Variants in CERT1 observed in about 807,000 individuals in gnomAD.
CERT1 encodes ceramide transporter 1.
In CERT1, 31 loss-of-function variants were observed where a neutral mutation model predicts 87.9. The ratio of observed to expected loss-of-function variants is 0.35; its 90% CI spans 0.27 to 0.48. The LOEUF (loss-of-function observed/expected upper bound fraction) is 0.48. Ranked by LOEUF, CERT1 falls within the 20% of genes least tolerant of loss-of-function variation. CERT1 has a pLI of 0.99. For synonymous variants in CERT1, 289 were observed against 250.9 expected (o/e 1.15, Z -1.44); for missense variants, 487 against 758.0 (o/e 0.64, Z 4.20).
Position 75,381,004 on chromosome 5 carries a change from T to C in CERT1, c.1747+68A>G, listed in dbSNP as rs912146878. 7.1e-6 allele frequency: 11 copies of C among 1,542,734 alleles called. No individual in the cohort carries two copies. In the African/African-American group the frequency reaches 1.4e-4, roughly 19 times the overall value. On this transcript the variant is annotated intron_variant, in intron 16 of 16. Coordinates refer to ENST00000643780, the MANE Select transcript of CERT1 (RefSeq NM_001379029.1). ...AGAACTAAAAAGGCATTTGTCCAAATTGTTGTCATATAGGTCATGATCAAG... is the reference window on the plus strand; with the variant it reads ...AGAACTAAAAAGGCATTTGTCCAAACTGTTGTCATATAGGTCATGATCAAG...
In CERT1 at chr5:75,381,085, T is replaced by C. The variant is rs1241782893; in HGVS notation, c.1734A>G (p.Thr578=). 8.7e-6 allele frequency: 14 copies of C among 1,614,014 alleles called. No individual in the cohort carries two copies. The Admixed American group carries it at 1.2e-4, about 13-fold the overall frequency. Residue 578 remains threonine, a synonymous_variant, in exon 16 of 17, where the codon ACA becomes ACG. Transcript: ENST00000643780. ...ISRDNILCKI[T]YVANVNPGGW... ...TAAAATACATACCATTAGCTACATA[T>C]GTAATCTTGCATAGAATGTTGTCCC...
intron 2 of CERT1, among the ~76,000 whole-genome samples, chr5:75,482,765 G>T (rs1324877133): frequency 6.6e-6 from 1 of 152,184 alleles, no homozygotes; most frequent in South Asian, 2.1e-4. Flanking sequence ...TTATACCCAA[G>T]ATCAGCAAGG....
intron 5 of CERT1, among the ~76,000 whole-genome samples, chr5:75,419,668 C>T (rs73118901): frequency 0.012 from 1,855 of 152,156 alleles, 40 homozygotes; most frequent in African/African-American, 0.041. Flanking sequence ...TTTAGTGAGA[C>T]TATGGAGAAG....
At chr5:75,450,655 A>G (rs1580788579) in intron 3 of CERT1, among the ~76,000 whole-genome samples, 1 of 152,182 alleles carries the variant, frequency 6.6e-6, no homozygotes, top group African/African-American at 2.4e-5. Context: ...GACTTCATCT[A>G]TGTAAGAAAT....
chr5:75,404,854 CA>C (rs1229990906), intron 8 of CERT1, among the ~76,000 whole-genome samples: 1 of 152,000 alleles, frequency 6.6e-6, no homozygotes, highest in Non-Finnish European at 1.5e-5. Context: ...ATCAAAAATA[CA>C]AAAATCAGTG....
At chr5:75,503,119 A>G (rs1767462983) in intron 2 of CERT1, among the ~76,000 whole-genome samples, 1 of 152,022 alleles carries the variant, frequency 6.6e-6, no homozygotes, top group Admixed American at 6.6e-5. Flanking sequence ...GTTTTTATAA[A>G]TTAAGAGTGA....
chr5:75,456,913 C>A (rs1311977395), intron 3 of CERT1, among the ~76,000 whole-genome samples: 1 of 151,964 alleles, frequency 6.6e-6, no homozygotes, highest in Non-Finnish European at 1.5e-5. Context: ...AAAACGGGAA[C>A]CTTGCAAAGG....
At position 75,428,533 on chromosome 5, in the gene CERT1, C is replaced by G. The variant is rs149602239; in HGVS notation, c.349-2055G>C. On this transcript the variant is annotated intron_variant, in intron 3 of 16. Coordinates refer to ENST00000643780, the MANE Select transcript of CERT1 (RefSeq NM_001379029.1). ...CTCTACTAAAAATACACAAAATTAG[C>G]AGGGCGCAGTGGCGGGCGCCTGTAG... Among the ~76,000 whole-genome samples, 315 of 152,228 alleles carry G rather than the reference C, an allele frequency of 2.1e-3. 1 individual carries two copies. In the East Asian group the frequency reaches 0.027, roughly 13 times the overall value.
chr5:75,484,319 A>G (rs1766398730), intron 2 of CERT1, among the ~76,000 whole-genome samples: 1 of 151,456 alleles, frequency 6.6e-6, no homozygotes, highest in Admixed American at 6.6e-5. Flanking sequence ...AAAAAAAAAC[A>G]GGAAAGAAAG....
At chr5:75,506,497 A>G (rs1207904676) in intron 1 of CERT1, among the ~76,000 whole-genome samples, 1 of 152,198 alleles carries the variant, frequency 6.6e-6, no homozygotes, top group African/African-American at 2.4e-5. Context: ...CATATTCAAC[A>G]GAGAAGTATG....
At chr5:75,511,891 G>A (rs1768033440), upstream of CERT1, 1 of 1,451,800 alleles carries the variant, frequency 6.9e-7, no homozygotes. Context: ...CCTGGGAGTT[G>A]TAGTCGCGAT....
intron 7 of CERT1, among the ~76,000 whole-genome samples, chr5:75,413,212 A>C (rs1763001217): frequency 1.3e-5 from 2 of 152,198 alleles, no homozygotes; most frequent in Non-Finnish European, 2.9e-5. Flanking sequence ...CAGCTCCATT[A>C]TCATGTTATG....
At chr5:75,485,080 C>CA (rs970161916) in intron 2 of CERT1, among the ~76,000 whole-genome samples, 2 of 151,830 alleles carry the variant, frequency 1.3e-5, no homozygotes, top group Non-Finnish European at 2.9e-5. Context: ...AACTAAACAA[C>CA]ACGCTCCAGA....
intron 1 of CERT1, among the ~76,000 whole-genome samples, chr5:75,506,603 C>T (rs1406361389): frequency 6.6e-6 from 1 of 152,186 alleles, no homozygotes; most frequent in Non-Finnish European, 1.5e-5. Flanking sequence ...CTAAACTCTA[C>T]TTTTGTTGTT....
chr5:75,378,528 C>T lies in CERT1; in HGVS notation c.*818G>A, dbSNP rs1007204775. On this transcript the variant is annotated 3_prime_UTR_variant, in exon 17 of 17. Coordinates refer to ENST00000643780, the MANE Select transcript of CERT1 (RefSeq NM_001379029.1). ...AACCAACTCAGACATTAACATGGGA[C>T]TAGTTAATAAATTCTGCAACATGCA... The T allele has an allele frequency of 1.3e-5, 2 of 151,988 alleles. No homozygotes were observed. Among genetic ancestry groups the T allele is most frequent in the African/African-American group, 4.8e-5 (2 of 41,346 alleles). 9.4% of individuals were successfully genotyped at this position (151,988 alleles called of 1,614,324 possible).
chr5:75,473,880 G>A (rs998950587), intron 2 of CERT1, among the ~76,000 whole-genome samples: 2 of 151,916 alleles, frequency 1.3e-5, no homozygotes, highest in African/African-American at 4.8e-5. Flanking sequence ...TTTTTAAAAT[G>A]TAAAAAAAAG....
Position 75,396,498 on chromosome 5 carries a change from G to A in CERT1, c.1188+2812C>T, listed in dbSNP as rs186766426. On this transcript the variant is annotated intron_variant, in intron 11 of 16. Coordinates refer to ENST00000643780, the MANE Select transcript of CERT1 (RefSeq NM_001379029.1). The stretch of plus-strand genomic sequence containing the variant: ...TCCCAGCACTTTGGGAGGCCGAGGC[G>A]GGCAGATCACCTGAGGTCAGGAGTT... Among the ~76,000 whole-genome samples the A allele has an allele frequency of 4.5e-4, 68 of 151,966 alleles. 1 individual carries two copies. In the East Asian group the frequency reaches 0.012, roughly 27 times the overall value.
At chr5:75,458,979 A>C (rs1765116853) in intron 3 of CERT1, 86 bp downstream of exon 3, 2 of 698,094 alleles carry the variant, frequency 2.9e-6, no homozygotes, top group African/African-American at 1.8e-5. Context: ...TCAGTAACTA[A>C]TGTCACATGT....
At chr5:75,410,498 T>C (rs1762889583) in intron 8 of CERT1, among the ~76,000 whole-genome samples, 2 of 151,388 alleles carry the variant, frequency 1.3e-5, no homozygotes, top group African/African-American at 4.9e-5. Flanking sequence ...TAGTCCCAGC[T>C]ACTAGGGCAG....
Sources: gnomAD v4.1 joint callset for allele counts (sites outside exome capture counted in the v4.1 genomes callset) on GRCh38, gnomAD v4.1.1 for gene constraint, MANE v1.5 for transcripts, NCBI Gene and HGNC (gene_info 2026-07-23, HGNC 2026-07-21) for gene names.